Variants in GRIN2A observed in about 807,000 individuals in gnomAD.
The protein encoded by GRIN2A is glutamate ionotropic receptor NMDA type subunit 2A, also known as glutamate receptor ionotropic, NMDA 2A.
Under a neutral mutation model 113.4 loss-of-function variants are expected in GRIN2A, and 22 were observed. That is an observed-to-expected ratio of 0.19 (90% CI 0.14 to 0.28). The LOEUF (loss-of-function observed/expected upper bound fraction) is 0.28, where lower values mean the gene tolerates loss of function less well. GRIN2A is among the 10% of genes least tolerant of loss of function. The pLI is 1.00. For missense variants in GRIN2A, 1,502 were observed against 1,887.0 expected (o/e 0.80, Z 3.78); for synonymous variants, 827 against 738.4 (o/e 1.12, Z -1.94).
chr16:9,937,852 A>G (rs2044749394), intron 3 of GRIN2A, 107 bp downstream of exon 3: 8 of 789,634 alleles, frequency 1.0e-5, no homozygotes, highest in Non-Finnish European at 1.8e-5. Context: ...AACACATAAC[A>G]TTCTGCATTT....
chr16:10,166,837 T>C (rs561553366), intron 2 of GRIN2A, among the ~76,000 whole-genome samples: 1 of 152,242 alleles, frequency 6.6e-6, no homozygotes, highest in South Asian at 2.1e-4. Flanking sequence ...GCCTCCTCAA[T>C]GTAAAGACAA....
At chr16:9,960,476 T>C (rs1377934530) in intron 2 of GRIN2A, among the ~76,000 whole-genome samples, 2 of 152,252 alleles carry the variant, frequency 1.3e-5, no homozygotes, top group Non-Finnish European at 2.9e-5. Context: ...ATAATTAGCC[T>C]GTTTCTTTTA....
chr16:10,081,035 C>T (rs894414250), intron 2 of GRIN2A, among the ~76,000 whole-genome samples: 6 of 152,180 alleles, frequency 3.9e-5, no homozygotes, highest in African/African-American at 4.8e-5. Flanking sequence ...TCAGAGTGGT[C>T]TTTTTGCCTT....
chr16:10,004,330 A>G (rs1222652896), intron 2 of GRIN2A, among the ~76,000 whole-genome samples: 1 of 151,224 alleles, frequency 6.6e-6, no homozygotes, highest in East Asian at 1.9e-4. Context: ...CAGAGGTTAC[A>G]GTGAGCCGAG....
intron 3 of GRIN2A, among the ~76,000 whole-genome samples, chr16:9,918,167 A>G (rs1244021639): frequency 6.6e-6 from 1 of 152,202 alleles, no homozygotes; most frequent in East Asian, 1.9e-4. Flanking sequence ...GCTCAGATAT[A>G]TTTAGTTGCT....
At chr16:9,920,030 C>T (rs1488651434) in intron 3 of GRIN2A, among the ~76,000 whole-genome samples, 1 of 152,208 alleles carries the variant, frequency 6.6e-6, no homozygotes, top group Admixed American at 6.5e-5. Context: ...TCTTCCCATC[C>T]CATATCAATA....
chr16:9,767,632 G>A (rs1387565700), intron 12 of GRIN2A, among the ~76,000 whole-genome samples: 1 of 152,020 alleles, frequency 6.6e-6, no homozygotes, highest in Non-Finnish European at 1.5e-5. Context: ...AAAACAAGGT[G>A]GGCAAATAAG....
rs531771157 is a variant in GRIN2A at position 10,114,570 on chromosome 16, G to A, written c.414+65428C>T. Among the ~76,000 whole-genome samples the A allele has an allele frequency of 4.6e-5, 7 of 152,300 alleles. No individual in the cohort carries two copies. The South Asian group carries it at 1.0e-3, about 23-fold the overall frequency. ...GAAACCCGCAGGCACCGGTCCCAGCGATCCCAGGAAGTGAATAGCTAGTTT... is the reference window on the plus strand; with the variant it reads ...GAAACCCGCAGGCACCGGTCCCAGCAATCCCAGGAAGTGAATAGCTAGTTT... On this transcript the variant is annotated intron_variant, in intron 2 of 12. Coordinates refer to ENST00000330684, the MANE Select transcript of GRIN2A (RefSeq NM_001134407.3).
At chr16:9,957,994 C>T (rs1292630575) in intron 2 of GRIN2A, among the ~76,000 whole-genome samples, 2 of 152,190 alleles carry the variant, frequency 1.3e-5, no homozygotes, top group Non-Finnish European at 2.9e-5. Context: ...CTAGTCTTTC[C>T]TCTCAGTTAT....
At chr16:10,123,004 A>C (rs577218155) in intron 2 of GRIN2A, among the ~76,000 whole-genome samples, 1 of 152,364 alleles carries the variant, frequency 6.6e-6, no homozygotes, top group South Asian at 2.1e-4. Flanking sequence ...GACCTAATAA[A>C]GAACTAGAGC....
chr16:10,043,898 T>C (rs546041322), intron 2 of GRIN2A, among the ~76,000 whole-genome samples: 3 of 151,656 alleles, frequency 2.0e-5, no homozygotes, highest in South Asian at 2.1e-4. Context: ...CATATATATA[T>C]ACACACATAT....
rs745846492 is a variant in GRIN2A at position 10,039,808 on chromosome 16, G to A, written c.415-101257C>T. ...AGGGGGAGGGGGAGGGGGAGGGGGG[G>A]GAGAAAGAGAGAGAGAGAGAGAGAG... On this transcript the variant is annotated intron_variant, in intron 2 of 12. Coordinates refer to ENST00000330684, the MANE Select transcript of GRIN2A (RefSeq NM_001134407.3). 2.8e-3 allele frequency among the ~76,000 whole-genome samples: 179 copies of A among 63,786 alleles called. 6 individuals are homozygous for A. Among genetic ancestry groups the A allele is most frequent in the African/African-American group, 0.012 (154 of 12,774 alleles). The allele number at this position is 63,786 out of a possible 152,430, so 41.8% of individuals were successfully genotyped here.
At chr16:9,996,452 G>T (rs543262031) in intron 2 of GRIN2A, among the ~76,000 whole-genome samples, 1 of 152,100 alleles carries the variant, frequency 6.6e-6, no homozygotes, top group Non-Finnish European at 1.5e-5. Flanking sequence ...AACTCCAGAA[G>T]ACCTGCTCCT....
intron 2 of GRIN2A, among the ~76,000 whole-genome samples, chr16:10,158,337 C>G (rs1370481979): frequency 1.3e-5 from 2 of 152,160 alleles, no homozygotes; most frequent in Non-Finnish European, 2.9e-5. Context: ...GAAAAGTATT[C>G]TGGTGGTGGG....
intron 4 of GRIN2A, among the ~76,000 whole-genome samples, chr16:9,884,701 A>G (rs960588249): frequency 1.3e-5 from 2 of 151,218 alleles, no homozygotes; most frequent in African/African-American, 4.9e-5. Context: ...CAATACCTCT[A>G]GCTTTACAAA....
intron 2 of GRIN2A, among the ~76,000 whole-genome samples, chr16:9,995,780 G>A (rs2046211385): frequency 6.6e-6 from 1 of 152,028 alleles, no homozygotes; most frequent in South Asian, 2.1e-4. Flanking sequence ...CTTTTTCAAT[G>A]CAAGGGATAA....
chr16:9,816,515 T>C (rs2042189256), intron 10 of GRIN2A, among the ~76,000 whole-genome samples: 1 of 152,176 alleles, frequency 6.6e-6, no homozygotes, highest in Non-Finnish European at 1.5e-5. Flanking sequence ...AAACACAAAC[T>C]ATCCCACTGT....
chr16:10,105,369 G>A (rs2048477969), intron 2 of GRIN2A, among the ~76,000 whole-genome samples: 1 of 152,146 alleles, frequency 6.6e-6, no homozygotes, highest in Non-Finnish European at 1.5e-5. Context: ...AAATAGAACA[G>A]TCACATCTGG....
chr16:9,759,016 T>C lies in GRIN2A; in HGVS notation c.*4133A>G, dbSNP rs929849734. The C allele has an allele frequency of 4.5e-5, 10 of 221,924 alleles. No individual in the cohort carries two copies. The highest frequency in any genetic ancestry group is 2.2e-4 in the African/African-American group (10 of 44,686). 13.7% of individuals were successfully genotyped at this position (221,924 alleles called of 1,614,324 possible). The stretch of plus-strand genomic sequence containing the variant: ...TCATGTCTACTATAGCCATGGTTAA[T>C]ACAAACAGGCTCCATTTCAGAAACA... On this transcript the variant is annotated 3_prime_UTR_variant, in exon 13 of 13. Transcript: ENST00000330684.
Sources: allele counts gnomAD v4.1 joint callset (sites outside exome capture counted in the v4.1 genomes callset), GRCh38; gene constraint gnomAD v4.1.1; transcripts MANE v1.5; gene names NCBI Gene and HGNC (gene_info 2026-07-23, HGNC 2026-07-21).